The following DLGAP2 variants were observed in gnomAD, a reference collection of about 807,000 sequenced individuals.
The protein encoded by DLGAP2 is disks large-associated protein 2.
A neutral mutation model predicts 100.3 loss-of-function variants in DLGAP2; 26 were observed. The ratio of observed to expected loss-of-function variants is 0.26; its 90% CI spans 0.19 to 0.36. DLGAP2 has a LOEUF of 0.36. DLGAP2 is among the 10% of genes least tolerant of loss of function. The pLI is 1.00. For missense variants in DLGAP2, 1,858 were observed against 1,453.2 expected (o/e 1.28, Z -4.53); for synonymous variants, 886 against 630.1 (o/e 1.41, Z -6.08).
intron 1 of DLGAP2, among the ~76,000 whole-genome samples, chr8:752,581 G>A (rs1820819946): frequency 6.6e-6 from 1 of 152,208 alleles, no homozygotes; most frequent in Non-Finnish European, 1.5e-5. Flanking sequence ...AGGGGATGGG[G>A]CAGGAGGTTC....
At chr8:973,433 C>G (rs35819358) in intron 2 of DLGAP2, among the ~76,000 whole-genome samples, 2 of 150,810 alleles carry the variant, frequency 1.3e-5, no homozygotes, top group African/African-American at 2.4e-5. Context: ...ACCTCCCAGA[C>G]GGGGTCACGG....
intron 2 of DLGAP2, among the ~76,000 whole-genome samples, chr8:1,174,360 C>A (rs900806036): frequency 1.3e-5 from 2 of 151,508 alleles, no homozygotes; most frequent in South Asian, 4.2e-4. Context: ...ATTACCATCA[C>A]CAAAATCATT....
chr8:1,212,157 G>T (rs7841475), intron 2 of DLGAP2, among the ~76,000 whole-genome samples: 61 of 152,144 alleles, frequency 4.0e-4, no homozygotes, highest in African/African-American at 1.2e-3. Flanking sequence ...CACAAGAAAA[G>T]GGCAAAATCC....
chr8:1,334,956 G>A (rs62486220), intron 3 of DLGAP2, among the ~76,000 whole-genome samples: 25 of 152,242 alleles, frequency 1.6e-4, no homozygotes, highest in African/African-American at 4.6e-4. Context: ...GCAGTATCCC[G>A]GGACCCAGCC....
At position 781,983 on chromosome 8, in the gene DLGAP2, G is replaced by GA. The variant is rs1821700749; in HGVS notation, c.18+44161dup. On this transcript the variant is annotated intron_variant, in intron 1 of 14. Coordinates refer to ENST00000637795, the MANE Select transcript of DLGAP2 (RefSeq NM_001346810.2). ...ATGGGTAGAAATGTACAGTTAAAAGGAAAGAGAAAACCTGGTGTTCAATCA... is the reference window on the plus strand; with the variant it reads ...ATGGGTAGAAATGTACAGTTAAAAGGAAAAGAGAAAACCTGGTGTTCAATCA... 3.3e-5 allele frequency among the ~76,000 whole-genome samples: 5 copies of GA among 152,270 alleles called. No homozygotes were observed. In the South Asian group the frequency reaches 1.0e-3, roughly 32 times the overall value.
At chr8:800,495 C>G (rs1224550803) in intron 1 of DLGAP2, among the ~76,000 whole-genome samples, 2 of 152,244 alleles carry the variant, frequency 1.3e-5, no homozygotes, top group African/African-American at 2.4e-5. Context: ...CATGGAGACT[C>G]TAACCCACAG....
chr8:1,334,045 C>G, intron 3 of DLGAP2, among the ~76,000 whole-genome samples: 1 of 152,246 alleles, frequency 6.6e-6, no homozygotes, highest in East Asian at 1.9e-4. Flanking sequence ...CCACAGAGTC[C>G]AGATTTCACT....
chr8:1,698,271 T>G (rs1230867395), intron 14 of DLGAP2, among the ~76,000 whole-genome samples: 2 of 151,838 alleles, frequency 1.3e-5, no homozygotes, highest in African/African-American at 4.8e-5. Context: ...CAGGTCCACA[T>G]AAGCCATGCA....
intron 1 of DLGAP2, among the ~76,000 whole-genome samples, chr8:824,017 CATTTCTTCTTCTTTT>C (rs201252979): frequency 0.21 from 30,890 of 146,892 alleles, 3,824 homozygotes; most frequent in Admixed American, 0.4. Flanking sequence ...CCTGGGACAA[CATTTCTTCTTCTTTT>C]TTTTCTTCTT....
rs1214579850 is a variant in DLGAP2 at position 1,597,455 on chromosome 8, G to T, written c.1443-29285G>T. On this transcript the variant is annotated intron_variant, in intron 6 of 14. Coordinates refer to ENST00000637795, the MANE Select transcript of DLGAP2 (RefSeq NM_001346810.2). ...TAGCATGGAATCTGTAAATTACTTTGGGCAGTATGGCCATTTTCACAATAT... is the reference window on the plus strand; with the variant it reads ...TAGCATGGAATCTGTAAATTACTTTTGGCAGTATGGCCATTTTCACAATAT... 2.0e-5 allele frequency among the ~76,000 whole-genome samples: 3 copies of T among 150,934 alleles called. No individual in the cohort carries two copies. In the South Asian group the frequency reaches 6.4e-4, roughly 32 times the overall value.
At chr8:1,044,510 A>G (rs1490471319) in intron 2 of DLGAP2, among the ~76,000 whole-genome samples, 5 of 152,216 alleles carry the variant, frequency 3.3e-5, no homozygotes, top group African/African-American at 1.2e-4. Flanking sequence ...TCTGTGCCAT[A>G]GGACATTTGC....
At chr8:1,604,422 C>A (rs568986612) in intron 6 of DLGAP2, 1 of 152,122 alleles carries the variant, frequency 6.6e-6, no homozygotes, top group Non-Finnish European at 1.5e-5. Flanking sequence ...TGGTCTGGCC[C>A]ATAGACCACC....
At chr8:1,496,999 CG>C (rs557030316) in intron 3 of DLGAP2, among the ~76,000 whole-genome samples, 269 of 152,180 alleles carry the variant, frequency 1.8e-3, no homozygotes, top group Middle Eastern at 3.4e-3. Context: ...ATATGGTTTA[CG>C]GGGTCTCCAG....
chr8:782,856 G>A (rs1367381189), intron 1 of DLGAP2, among the ~76,000 whole-genome samples: 1 of 152,178 alleles, frequency 6.6e-6, no homozygotes, highest in Non-Finnish European at 1.5e-5. Flanking sequence ...CGCGTCTGCT[G>A]TGTCCTCAGT....
chr8:827,804 C>T (rs1462188726), intron 1 of DLGAP2, among the ~76,000 whole-genome samples: 1 of 152,174 alleles, frequency 6.6e-6, no homozygotes, highest in African/African-American at 2.4e-5. Context: ...ACTGAGGACA[C>T]ATTTATTATC....
chr8:1,279,229 G>C (rs1799767220), intron 3 of DLGAP2, among the ~76,000 whole-genome samples: 1 of 152,204 alleles, frequency 6.6e-6, no homozygotes. Context: ...CAGCGCTAAA[G>C]TCCTTGGATT....
intron 2 of DLGAP2, among the ~76,000 whole-genome samples, chr8:1,044,089 C>T (rs985084832): frequency 6.6e-6 from 1 of 152,128 alleles, no homozygotes; most frequent in East Asian, 1.9e-4. Flanking sequence ...CGGTCCCACT[C>T]CTGCTGGATG....
intron 2 of DLGAP2, among the ~76,000 whole-genome samples, chr8:1,250,725 T>C (rs536662797): frequency 6.6e-6 from 1 of 152,160 alleles, no homozygotes; most frequent in Non-Finnish European, 1.5e-5. Flanking sequence ...TTTCACTTCA[T>C]TAAAAAAAAT....
chr8:1,224,482 A>C (rs1489252694), intron 2 of DLGAP2, among the ~76,000 whole-genome samples: 1 of 152,216 alleles, frequency 6.6e-6, no homozygotes, highest in Non-Finnish European at 1.5e-5. Context: ...ATTTCATCTC[A>C]AAACTATTGT....
Sources: gnomAD v4.1 joint callset for allele counts (sites outside exome capture counted in the v4.1 genomes callset) on GRCh38, gnomAD v4.1.1 for gene constraint, MANE v1.5 for transcripts, NCBI Gene and HGNC (gene_info 2026-07-23, HGNC 2026-07-21) for gene names.